GRID2: variants seen among roughly 807,000 people sequenced by gnomAD.
GRID2 encodes the protein glutamate ionotropic receptor delta type subunit 2.
Under a neutral mutation model 114.8 loss-of-function variants are expected in GRID2, and 33 were observed. The observed-to-expected ratio is 0.29, with a 90% CI of 0.22 to 0.38. The LOEUF (loss-of-function observed/expected upper bound fraction) is 0.38. GRID2 is among the 10% of genes least tolerant of loss of function. The probability of loss-of-function intolerance (pLI) is 1.00; values close to 1 mark genes in which losing one functional copy is unlikely to be tolerated. For missense variants in GRID2, 1,184 were observed against 1,257.7 expected (o/e 0.94, Z 0.89); for synonymous variants, 505 against 449.9 (o/e 1.12, Z -1.55).
chr4:92,830,099 GA>G (rs879405717), intron 2 of GRID2, among the ~76,000 whole-genome samples: 156 of 126,454 alleles, frequency 1.2e-3, no homozygotes, highest in Admixed American at 3.1e-3. Flanking sequence ...AAATAAAATT[GA>G]AAAAAAAAAA....
intron 1 of GRID2, among the ~76,000 whole-genome samples, chr4:92,401,659 T>C (rs945297726): frequency 6.6e-6 from 1 of 152,182 alleles, no homozygotes; most frequent in South Asian, 2.1e-4. Flanking sequence ...CAAAACATAA[T>C]TAACATTTAA....
Position 93,765,149 on chromosome 4 carries a change from T to C in GRID2, c.2361-4061T>C, listed in dbSNP as rs564902473. Among the ~76,000 whole-genome samples the C allele has an allele frequency of 2.9e-3, 449 of 152,302 alleles. 12 individuals are homozygous for C. Among genetic ancestry groups the C allele is most frequent in the Non-Finnish European group, 3.5e-4 (24 of 68,030 alleles). ...ACACTTGCTTTACATAATCTTTAAA[T>C]TGGGTTTTTGTTAAATCATAAAAAG... On this transcript the variant is annotated intron_variant, in intron 14 of 15. Coordinates refer to ENST00000282020, the MANE Select transcript of GRID2 (RefSeq NM_001510.4).
At chr4:92,989,169 C>A (rs1299371964) in intron 2 of GRID2, among the ~76,000 whole-genome samples, 1 of 148,038 alleles carries the variant, frequency 6.8e-6, no homozygotes, top group Non-Finnish European at 1.5e-5. Flanking sequence ...CCCAGCTACT[C>A]GGGAGGCTGA....
chr4:92,935,677 C>T (rs1290531977), intron 2 of GRID2, among the ~76,000 whole-genome samples: 1 of 146,838 alleles, frequency 6.8e-6, no homozygotes, highest in East Asian at 2.1e-4. Context: ...AAATGTGGCA[C>T]ATATACACCA....
intron 2 of GRID2, among the ~76,000 whole-genome samples, chr4:92,747,355 G>A (rs1737200977): frequency 6.6e-6 from 1 of 152,054 alleles, no homozygotes; most frequent in Non-Finnish European, 1.5e-5. Flanking sequence ...TTCAGGGAAT[G>A]TTGAATATAC....
intron 2 of GRID2, among the ~76,000 whole-genome samples, chr4:92,989,499 A>G: frequency 6.6e-6 from 1 of 151,898 alleles, no homozygotes; most frequent in Non-Finnish European, 1.5e-5. Flanking sequence ...CATATAAGTT[A>G]GATTTTCTCA....
At chr4:92,639,883 A>G (rs1294924610) in intron 2 of GRID2, among the ~76,000 whole-genome samples, 1 of 151,852 alleles carries the variant, frequency 6.6e-6, no homozygotes, top group Non-Finnish European at 1.5e-5. Context: ...AGTTTTTGCA[A>G]TAATAATTAT....
chr4:93,487,318 C>T (rs939897795), intron 11 of GRID2, among the ~76,000 whole-genome samples: 1 of 151,696 alleles, frequency 6.6e-6, no homozygotes, highest in South Asian at 2.1e-4. Flanking sequence ...CTTCCTTGTA[C>T]TTGTTCACAT....
chr4:93,300,318 C>A (rs1579594160), intron 8 of GRID2, among the ~76,000 whole-genome samples: 1 of 152,082 alleles, frequency 6.6e-6, no homozygotes, highest in South Asian at 2.1e-4. Flanking sequence ...AGATATGGAA[C>A]CTGTGAATAT....
intron 1 of GRID2, among the ~76,000 whole-genome samples, chr4:92,308,092 G>A (rs914219058): frequency 1.3e-5 from 2 of 152,128 alleles, no homozygotes; most frequent in African/African-American, 4.8e-5. Flanking sequence ...TAGCCACGCT[G>A]ACTGCTATTT....
intron 8 of GRID2, among the ~76,000 whole-genome samples, chr4:93,331,925 T>C (rs1435278513): frequency 6.6e-6 from 1 of 152,116 alleles, no homozygotes; most frequent in Non-Finnish European, 1.5e-5. Flanking sequence ...GCTATTAGTT[T>C]CTATAAAATT....
chr4:93,062,824 T>C (rs1157228590), intron 2 of GRID2, among the ~76,000 whole-genome samples: 1 of 152,024 alleles, frequency 6.6e-6, no homozygotes, highest in African/African-American at 2.4e-5. Context: ...TCCATGTCAG[T>C]GCCACTTACT....
At chr4:92,951,336 T>G (rs1038239076) in intron 2 of GRID2, among the ~76,000 whole-genome samples, 15 of 140,128 alleles carry the variant, frequency 1.1e-4, no homozygotes, top group Admixed American at 6.9e-5. Flanking sequence ...CAAAATTTTT[T>G]ATTTATTTAT....
At position 93,541,040 on chromosome 4, in the gene GRID2, A is replaced by G. The variant is rs146013827; in HGVS notation, c.2193+25629A>G. Among the ~76,000 whole-genome samples, 25 of 152,284 alleles carry G rather than the reference A, an allele frequency of 1.6e-4. 1 individual carries two copies. The East Asian group carries it at 2.9e-3, about 18-fold the overall frequency. On this transcript the variant is annotated intron_variant, in intron 13 of 15. Transcript: ENST00000282020. ...CATCATTTAAAGTTCCCAAAACCCA[A>G]ATGAAAAAGAATATGACAGCCCGAC... is the stretch of plus-strand genomic sequence containing the variant.
chr4:93,539,460 T>C (rs1475387774), intron 13 of GRID2, among the ~76,000 whole-genome samples: 1 of 152,022 alleles, frequency 6.6e-6, no homozygotes, highest in Non-Finnish European at 1.5e-5. Context: ...CCCAGTATTC[T>C]ATTCATTTCT....
intron 14 of GRID2, among the ~76,000 whole-genome samples, chr4:93,735,923 A>C (rs535355145): frequency 6.6e-6 from 1 of 151,986 alleles, no homozygotes; most frequent in Admixed American, 6.6e-5. Flanking sequence ...TCTGTGTACT[A>C]TGCAGGGAAA....
chr4:93,501,952 A>T (rs537568300), intron 12 of GRID2, among the ~76,000 whole-genome samples: 1 of 152,082 alleles, frequency 6.6e-6, no homozygotes, highest in South Asian at 2.1e-4. Context: ...ATTTTCTGTT[A>T]CTTCCTCCCC....
At chr4:93,023,004 T>A (rs1723528078) in intron 2 of GRID2, among the ~76,000 whole-genome samples, 2 of 151,956 alleles carry the variant, frequency 1.3e-5, no homozygotes, top group South Asian at 2.1e-4. Context: ...TAAAGAATGT[T>A]GACATTGTTT....
intron 1 of GRID2, among the ~76,000 whole-genome samples, chr4:92,348,404 A>C (rs920040320): frequency 3.3e-5 from 5 of 152,198 alleles, no homozygotes; most frequent in African/African-American, 9.6e-5. Flanking sequence ...TAGAATTAGT[A>C]TTCATTTCAC....
Sources: gnomAD v4.1 joint callset for allele counts (sites outside exome capture counted in the v4.1 genomes callset) on GRCh38, gnomAD v4.1.1 for gene constraint, MANE v1.5 for transcripts, NCBI Gene and HGNC (gene_info 2026-07-23, HGNC 2026-07-21) for gene names.